Variants in ZNF700 observed in about 807,000 individuals in gnomAD.
ZNF700 encodes the protein zinc finger protein 700.
In ZNF700, 38 loss-of-function variants were observed where a neutral mutation model predicts 65.3. The ratio of observed to expected loss-of-function variants is 0.58; its 90% confidence interval spans 0.45 to 0.76. ZNF700 has a LOEUF of 0.76. Among genes scored for constraint, ZNF700 ranks in the 30% least tolerant of loss-of-function variants. ZNF700 has a pLI of 0.00. For synonymous variants in ZNF700, 285 were observed against 290.4 expected (o/e 0.98, Z 0.19); for missense variants, 857 against 888.4 (o/e 0.96, Z 0.45).
At position 11,930,258 on chromosome 19, in the gene ZNF700, G is replaced by T. The variant is rs545315266; in HGVS notation, c.63+4985G>T. ...GTTGCTATTGAGGAAAAACAGAAATGATTCCTGTCCTTTGGATTGTCTCAA... is the reference window on the plus strand; with the variant it reads ...GTTGCTATTGAGGAAAAACAGAAATTATTCCTGTCCTTTGGATTGTCTCAA... On this transcript the variant is annotated intron_variant, in intron 1 of 3. Coordinates refer to ENST00000254321, the MANE Select transcript of ZNF700 (RefSeq NM_144566.3). Among the ~76,000 whole-genome samples, 14 of 148,686 alleles carry T rather than the reference G, an allele frequency of 9.4e-5. 3 individuals carry two copies. The highest frequency in any genetic ancestry group is 3.7e-4 in the African/African-American group (14 of 38,278).
At chr19:11,938,093 G>A (rs1972825225) in intron 1 of ZNF700, among the ~76,000 whole-genome samples, 1 of 151,866 alleles carries the variant, frequency 6.6e-6, no homozygotes, top group African/African-American at 2.4e-5. Flanking sequence ...TTTGGAGACG[G>A]AGTCTCACTC....
chr19:11,946,780 T>G (rs1305599877), intron 1 of ZNF700: 2 of 160,678 alleles, frequency 1.2e-5, no homozygotes, highest in Non-Finnish European at 2.7e-5. Flanking sequence ...GGGGTGGGCT[T>G]ACTTTGTGTC....
intron 1 of ZNF700, among the ~76,000 whole-genome samples, chr19:11,944,873 C>T (rs185804136): frequency 3.0e-4 from 46 of 152,332 alleles, no homozygotes; most frequent in Admixed American, 1.3e-3. Context: ...TGACTCCTGG[C>T]CTAGATGGGT....
chr19:11,933,867 TG>T lies in ZNF700; in HGVS notation c.63+8595del, dbSNP rs1403623693. On this transcript the variant is annotated intron_variant, in intron 1 of 3. Coordinates refer to ENST00000254321, the MANE Select transcript of ZNF700 (RefSeq NM_144566.3). ...CTCAGAAAAAAAAAAAAAAAAAATT[TG>T]TTTTTGTTTTGTTAGAGACAGGGTC... 4.8e-5 allele frequency among the ~76,000 whole-genome samples: 7 copies of T among 146,162 alleles called. 1 individual carries two copies. The highest frequency in any genetic ancestry group is 1.9e-4 in the African/African-American group (7 of 36,560).
chr19:11,937,049 A>G (rs554261560), intron 1 of ZNF700, among the ~76,000 whole-genome samples: 1 of 152,220 alleles, frequency 6.6e-6, no homozygotes, highest in African/African-American at 2.4e-5. Flanking sequence ...TGGTCTATAT[A>G]TCTGTTTTGG....
chr19:11,935,935 C>T (rs56176360), intron 1 of ZNF700, among the ~76,000 whole-genome samples: 2 of 152,068 alleles, frequency 1.3e-5, no homozygotes, highest in Admixed American at 6.5e-5. Flanking sequence ...TCAGTTCCCA[C>T]CTATGAGTGA....
In ZNF700 at chr19:11,948,967, T is replaced by C. The variant is rs1973010171; in HGVS notation, c.943T>C (p.Phe315Leu). The C allele has an allele frequency of 3.1e-6, 5 of 1,608,188 alleles. No homozygotes were observed. The highest frequency in any genetic ancestry group is 4.2e-6 in the Non-Finnish European group (5 of 1,178,774). The change falls in exon 4 of 4, where the codon TTT becomes CTT. Residue 315 changes from phenylalanine to leucine, a missense_variant. This residue lies in a region of ZNF700 where 603 missense variants were observed against 619.9 expected (regional missense o/e 0.97). Coordinates refer to ENST00000254321, the MANE Select transcript of ZNF700 (RefSeq NM_144566.3). ...PYQCKECGKA[F>L]AYTSSLRRHE... is the part of the protein sequence containing the mutation. ...TCAATGCAAAGAATGTGGAAAAGCA[T>C]TTGCATATACCAGTTCTCTTCGTAG...
At chr19:11,946,275 G>C (rs1326171293) in intron 1 of ZNF700, among the ~76,000 whole-genome samples, 7 of 152,152 alleles carry the variant, frequency 4.6e-5, no homozygotes, top group Non-Finnish European at 7.3e-5. Context: ...TCTCTTGTCT[G>C]TTCTGGGTGG....
At chr19:11,939,538 A>G (rs1176878687) in intron 1 of ZNF700, among the ~76,000 whole-genome samples, 1 of 152,130 alleles carries the variant, frequency 6.6e-6, no homozygotes, top group Non-Finnish European at 1.5e-5. Context: ...ATGGTTGTAT[A>G]TGTGTGGTAT....
chr19:11,944,422 G>C (rs975287118), intron 1 of ZNF700, among the ~76,000 whole-genome samples: 1 of 151,996 alleles, frequency 6.6e-6, no homozygotes, highest in Non-Finnish European at 1.5e-5. Context: ...CCACCTTTCC[G>C]GAACTCTGAG....
At chr19:11,932,975 G>T (rs1475329764) in intron 1 of ZNF700, among the ~76,000 whole-genome samples, 1 of 148,460 alleles carries the variant, frequency 6.7e-6, no homozygotes. Context: ...TTTAAACTCA[G>T]TTATGAACCT....
At chr19:11,940,179 C>T (rs573155066) in intron 1 of ZNF700, among the ~76,000 whole-genome samples, 1 of 152,174 alleles carries the variant, frequency 6.6e-6, no homozygotes. Flanking sequence ...ATCGACCTGC[C>T]TCGGCCTCCA....
Position 11,945,720 on chromosome 19 carries a change from TG to T in ZNF700, c.64-1456del, listed in dbSNP as rs563851142. 1.7e-3 allele frequency among the ~76,000 whole-genome samples: 253 copies of T among 152,150 alleles called. 3 individuals are homozygous for T. Among genetic ancestry groups the T allele is most frequent in the African/African-American group, 5.7e-3 (238 of 41,512 alleles). ...TAAGAAAAGTCTTCATTCCTCCTCC[TG>T]GGGGACAGTAAGGGCCATGATGACT... On this transcript the variant is annotated intron_variant, in intron 1 of 3. Coordinates refer to ENST00000254321, the MANE Select transcript of ZNF700 (RefSeq NM_144566.3).
Position 11,932,798 on chromosome 19 carries a change from C to T in ZNF700, c.63+7525C>T, listed in dbSNP as rs1007605383. On this transcript the variant is annotated intron_variant, in intron 1 of 3. Transcript: ENST00000254321. ...GACTACAGGCACCCGCCACCCCGTC[C>T]GGCTAATTTTTTGTATTTTTAGTAG... 5.4e-5 allele frequency among the ~76,000 whole-genome samples: 8 copies of T among 147,214 alleles called. No individual in the cohort carries two copies. The East Asian group carries it at 5.8e-4, about 11-fold the overall frequency.
At chr19:11,939,188 C>T (rs8100662) in intron 1 of ZNF700, among the ~76,000 whole-genome samples, 11,277 of 152,058 alleles carry the variant, frequency 0.074, 724 homozygotes, top group African/African-American at 0.17. Context: ...CCTGTTCATT[C>T]TGATGGTAGT....
intron 1 of ZNF700, among the ~76,000 whole-genome samples, chr19:11,936,748 C>G (rs954202469): frequency 2.0e-4 from 30 of 152,136 alleles, no homozygotes; most frequent in African/African-American, 7.0e-4. Flanking sequence ...GTGTTTTAGT[C>G]ATGAAGTCCT....
In ZNF700 at chr19:11,948,498, A is replaced by T. The variant is rs570416457; in HGVS notation, c.474A>T (p.Glu158Asp). 5.6e-6 allele frequency: 9 copies of T among 1,613,976 alleles called. No individual in the cohort carries two copies. The African/African-American group carries it at 9.3e-5, about 17-fold the overall frequency. Residue 158 changes from glutamate (E) to aspartate (D), a missense_variant, in exon 4 of 4, where the codon GAA becomes GAT. Transcript: ENST00000254321. ...GACACAAGGCATATGAGTATCAGGA[A>T]TATGGACCAAAGCCATATAAGTGTC... ...DTGHKAYEYQEYGPKPYKCQQ... is the reference protein window; with the variant it reads ...DTGHKAYEYQDYGPKPYKCQQ...
chr19:11,940,198 G>T (rs561857279), intron 1 of ZNF700, among the ~76,000 whole-genome samples: 108 of 152,204 alleles, frequency 7.1e-4, no homozygotes, highest in African/African-American at 2.5e-3. Flanking sequence ...CAAAAGTGCT[G>T]GGCTTATAGG....
chr19:11,928,503 C>T (rs1231164154), intron 1 of ZNF700, among the ~76,000 whole-genome samples: 8 of 149,410 alleles, frequency 5.4e-5, no homozygotes, highest in East Asian at 1.9e-4. Context: ...GAGGCCGAGG[C>T]GGGCGGATCA....
Sources: gnomAD v4.1 joint callset for allele counts (sites outside exome capture counted in the v4.1 genomes callset) on GRCh38, gnomAD v4.1.1 for gene constraint, gnomAD v4.1.1 regional missense constraint, MANE v1.5 for transcripts, NCBI Gene and HGNC (gene_info 2026-07-23, HGNC 2026-07-21) for gene names.